Variants in NRG3 observed in about 807,000 individuals in gnomAD.
NRG3 encodes the protein pro-neuregulin-3, membrane-bound isoform.
A neutral mutation model predicts 66.9 loss-of-function variants in NRG3; 31 were observed. That is an observed-to-expected ratio of 0.46 (90% confidence interval 0.35 to 0.63). NRG3 has a LOEUF of 0.63. NRG3 is among the 20% of genes least tolerant of loss of function. The probability of loss-of-function intolerance (pLI) is 0.00; values close to 1 mark genes in which losing one functional copy is unlikely to be tolerated. For synonymous variants in NRG3, 393 were observed against 359.4 expected (o/e 1.09, Z -1.06); for missense variants, 910 against 878.9 (o/e 1.04, Z -0.45).
chr10:82,839,295 T>A (rs1052718682), intron 3 of NRG3, among the ~76,000 whole-genome samples: 19 of 152,148 alleles, frequency 1.2e-4, no homozygotes, highest in African/African-American at 4.6e-4. Context: ...CAAGTGCTTT[T>A]TGGGTCAGGA....
chr10:82,984,703 A>G (rs1589249304), intron 8 of NRG3: 2 of 1,414,946 alleles, frequency 1.4e-6, no homozygotes, highest in African/African-American at 1.4e-5. Flanking sequence ...GGAGTGGACT[A>G]ATGCCATTAT....
intron 4 of NRG3, among the ~76,000 whole-genome samples, chr10:82,941,623 T>A (rs2132269102): frequency 6.6e-6 from 1 of 152,254 alleles, no homozygotes; most frequent in East Asian, 1.9e-4. Context: ...AAAGTCAGAG[T>A]GCAACCATTA....
chr10:82,598,651 A>G (rs1455428352), intron 2 of NRG3, among the ~76,000 whole-genome samples: 1 of 152,234 alleles, frequency 6.6e-6, no homozygotes, highest in African/African-American at 2.4e-5. Context: ...GCTTAGAAAA[A>G]AGATAAGAAC....
intron 2 of NRG3, among the ~76,000 whole-genome samples, chr10:82,542,786 G>A (rs1033912713): frequency 1.3e-5 from 2 of 152,056 alleles, no homozygotes; most frequent in African/African-American, 2.4e-5. Context: ...TAATATAATC[G>A]GGCAATCTTC....
At chr10:82,687,129 C>G (rs370020401) in intron 2 of NRG3, among the ~76,000 whole-genome samples, 7 of 152,318 alleles carry the variant, frequency 4.6e-5, no homozygotes, top group African/African-American at 1.7e-4. Flanking sequence ...GCCTCATTAA[C>G]CACTTTGGAT....
chr10:81,962,564 C>G (rs112514929), intron 1 of NRG3, among the ~76,000 whole-genome samples: 2,452 of 152,264 alleles, frequency 0.016, 29 homozygotes, highest in Middle Eastern at 0.034. Flanking sequence ...TGTCTGTAAT[C>G]CCATGTGAGT....
chr10:82,419,720 G>C (rs1324152706), intron 2 of NRG3, among the ~76,000 whole-genome samples: 6 of 152,090 alleles, frequency 3.9e-5, no homozygotes, highest in African/African-American at 1.4e-4. Flanking sequence ...CGTAGGAATA[G>C]ACATTTTTAC....
At chr10:82,519,429 G>T (rs980175804) in intron 2 of NRG3, among the ~76,000 whole-genome samples, 4 of 152,164 alleles carry the variant, frequency 2.6e-5, no homozygotes, top group African/African-American at 7.2e-5. Context: ...ATTTAGCAAT[G>T]TAGGCGTTAT....
intron 2 of NRG3, among the ~76,000 whole-genome samples, chr10:82,486,628 G>T (rs1460062063): frequency 2.0e-5 from 3 of 152,024 alleles, no homozygotes; most frequent in East Asian, 3.9e-4. Flanking sequence ...TGGCGAGGCT[G>T]GTCTCGAACT....
At chr10:82,311,882 G>C (rs1286661626) in intron 1 of NRG3, among the ~76,000 whole-genome samples, 4 of 152,136 alleles carry the variant, frequency 2.6e-5, no homozygotes, top group African/African-American at 9.7e-5. Flanking sequence ...CTCTCCATAA[G>C]ATGAACTCAG....
chr10:81,878,077 C>T (rs568584680), intron 1 of NRG3: 647 of 1,534,264 alleles, frequency 4.2e-4, no homozygotes, highest in Non-Finnish European at 5.2e-4. Flanking sequence ...TTCCGGAGGT[C>T]TTTAAAGAAA....
intron 2 of NRG3, among the ~76,000 whole-genome samples, chr10:82,616,094 A>G (rs1397284728): frequency 1.3e-5 from 2 of 152,150 alleles, no homozygotes; most frequent in Non-Finnish European, 2.9e-5. Context: ...ATACACTGAA[A>G]ACCTTCTCCA....
At chr10:82,752,184 A>G (rs1565276477) in intron 3 of NRG3, among the ~76,000 whole-genome samples, 1 of 152,206 alleles carries the variant, frequency 6.6e-6, no homozygotes, top group African/African-American at 2.4e-5. Context: ...CAGTAACAGT[A>G]TATTTTATTT....
At chr10:81,898,170 C>A (rs1051215180) in intron 1 of NRG3, among the ~76,000 whole-genome samples, 2 of 152,158 alleles carry the variant, frequency 1.3e-5, no homozygotes, top group Non-Finnish European at 2.9e-5. Context: ...TACCTCAGTG[C>A]AACCTCACAC....
intron 3 of NRG3, among the ~76,000 whole-genome samples, chr10:82,742,351 C>A (rs936923915): frequency 6.6e-6 from 1 of 152,114 alleles, no homozygotes; most frequent in Admixed American, 6.6e-5. Flanking sequence ...TGGTTCAGAG[C>A]TGGGTCCTCA....
chr10:82,141,908 A>G (rs1555241), intron 1 of NRG3, among the ~76,000 whole-genome samples: 102,553 of 151,944 alleles, frequency 0.67, 35,063 homozygotes, highest in Middle Eastern at 0.76. Flanking sequence ...CCAGAGGTGC[A>G]TACTACGTGA....
At chr10:81,941,113 C>T (rs1344230667) in intron 1 of NRG3, among the ~76,000 whole-genome samples, 1 of 152,068 alleles carries the variant, frequency 6.6e-6, no homozygotes, top group African/African-American at 2.4e-5. Flanking sequence ...AAATTACTTC[C>T]ACCCATGTTG....
At chr10:82,459,551 T>C (rs2091422274) in intron 2 of NRG3, among the ~76,000 whole-genome samples, 1 of 152,180 alleles carries the variant, frequency 6.6e-6, no homozygotes, top group South Asian at 2.1e-4. Flanking sequence ...ACATATCTTC[T>C]CTCCCATCTT....
At chr10:82,773,679 C>A (rs1204584540) in intron 3 of NRG3, among the ~76,000 whole-genome samples, 1 of 151,934 alleles carries the variant, frequency 6.6e-6, no homozygotes, top group Non-Finnish European at 1.5e-5. Flanking sequence ...ATTTTATCAT[C>A]ATTATTATCA....
Sources: gnomAD v4.1 joint callset for allele counts (sites outside exome capture counted in the v4.1 genomes callset) on GRCh38, gnomAD v4.1.1 for gene constraint, MANE v1.5 for transcripts, NCBI Gene and HGNC (gene_info 2026-07-23, HGNC 2026-07-21) for gene names.